The following SARS2 variants were observed in gnomAD, a reference collection of about 807,000 sequenced individuals.
SARS2 encodes the protein seryl-tRNA synthetase 2, mitochondrial, also known as serine--tRNA ligase, mitochondrial.
SARS2 carries 52 observed loss-of-function variants against 66.8 expected under a neutral mutation model. That is an observed-to-expected ratio of 0.78 (90% CI 0.62 to 0.98). SARS2 has a LOEUF of 0.98. Among genes scored for constraint, SARS2 ranks in the 50% least tolerant of loss-of-function variants. The pLI is 0.00. For synonymous variants in SARS2, 306 were observed against 281.4 expected (o/e 1.09, Z -0.87); for missense variants, 673 against 706.3 (o/e 0.95, Z 0.53).
chr19:38,916,018 G>T lies in SARS2; in HGVS notation c.1347+19C>A, dbSNP rs755098466. 1 of 1,613,088 alleles carries T rather than the reference G, an allele frequency of 6.2e-7. No individual in the cohort carries two copies. ...GCTGCGGGCGAGGGCACGCGGGCAG[G>T]AGGCTGTGCGGGCCTCACCGTGTGG... On this transcript the variant is annotated intron_variant, in intron 14 of 15. Coordinates refer to ENST00000221431, the MANE Select transcript of SARS2 (RefSeq NM_017827.4).
Position 38,922,264 on chromosome 19 carries a change from T to C in SARS2, c.367A>G (p.Asn123Asp). ...TGCTGCACTTCACCACTGTCCTGGT[T>C]TGCCTGGTAGAAAAGAGACAGGGTG... ...VTEAVRALLA[N>D]QDSGEVQQDP... Residue 123 changes from asparagine (N) to aspartate (D), a missense_variant, in exon 3 of 16, where the codon AAC becomes GAC. Coordinates refer to ENST00000221431, the MANE Select transcript of SARS2 (RefSeq NM_017827.4). 6.2e-7 allele frequency: 1 copy of C among 1,614,112 alleles called. No homozygotes were observed. The highest frequency in any genetic ancestry group is 1.1e-5 in the South Asian group (1 of 91,076).
intron 3 of SARS2, 87 bp from the exon 4 acceptor site, chr19:38,921,754 T>C (rs942098097): frequency 3.2e-6 from 5 of 1,551,552 alleles, no homozygotes; most frequent in East Asian, 4.6e-5. Context: ...GCAGAGCCCC[T>C]GTGGTGGACA....
In SARS2 at chr19:38,921,600, G is replaced by A; in HGVS notation, c.461C>T (p.Pro154Leu). ...CTGCTCCTCAAGCTGGGCCTCCCTG[G>A]GGTACAGGTGAACAAGCTCCTTCCG... Reference protein sequence around the residue: ...EIRKELVHLYPREAQLEEQFY... With the variant: ...EIRKELVHLYLREAQLEEQFY... Residue 154 changes from proline (P) to leucine (L), a missense_variant, in exon 4 of 16, where the codon CCC (proline) becomes CTC (leucine). By Grantham distance (98) the Pro-to-Leu change is moderately conservative. Transcript: ENST00000221431. 3 of 1,614,210 alleles carry A rather than the reference G, an allele frequency of 1.9e-6. No individual in the cohort carries two copies. Among genetic ancestry groups the A allele is most frequent in the Non-Finnish European group, 2.5e-6 (3 of 1,180,042 alleles).
intron 9 of SARS2, 108 bp from the exon 10 acceptor site, chr19:38,918,247 G>T: frequency 7.9e-7 from 1 of 1,272,632 alleles, no homozygotes; most frequent in South Asian, 1.3e-5. Context: ...GTCAAGGCCC[G>T]GGGCTGGATT....
chr19:38,925,922 T>C (rs1974619351), intron 2 of SARS2, among the ~76,000 whole-genome samples: 1 of 152,178 alleles, frequency 6.6e-6, no homozygotes, highest in African/African-American at 2.4e-5. Context: ...GTTCAAGCGA[T>C]TCTCCTGCCT....
Position 38,930,570 on chromosome 19 carries a change from G to A in SARS2, c.167C>T (p.Pro56Leu), listed in dbSNP as rs1974721950. 1.2e-6 allele frequency: 2 copies of A among 1,613,998 alleles called. No individual in the cohort carries two copies. The highest frequency in any genetic ancestry group is 1.7e-6 in the Non-Finnish European group (2 of 1,180,016). Residue 56 changes from proline (P) to leucine (L), a missense_variant, in exon 1 of 16, where the codon CCT becomes CTT. Coordinates refer to ENST00000221431, the MANE Select transcript of SARS2 (RefSeq NM_017827.4). The part of the protein sequence containing the change: ...EYAREGYSAL[P>L]QLDIERFCAC... ...GCAGAACCGCTCTATGTCCAGCTGA[G>A]GGAGTGCGCTGTAGCCCTCGCGCGC...
chr19:38,915,697 C>G lies in SARS2; in HGVS notation c.1466G>C (p.Arg489Pro). The change falls in exon 16 of 16, where the codon CGG becomes CCG. Residue 489 changes from arginine (R) to proline (P), a missense_variant. Coordinates refer to ENST00000221431, the MANE Select transcript of SARS2 (RefSeq NM_017827.4). ...AGGCACGTGGGTAGGGGCTGTGATCCGATCAGTGCCGAGGTAGGACTGGAG... is the reference window on the plus strand; with the variant it reads ...AGGCACGTGGGTAGGGGCTGTGATCGGATCAGTGCCGAGGTAGGACTGGAG... ...PALQSYLGTD[R>P]ITAPTHVPLQ... 1.2e-6 allele frequency: 2 copies of G among 1,613,066 alleles called. No individual in the cohort carries two copies. The highest frequency in any genetic ancestry group is 1.7e-6 in the Non-Finnish European group (2 of 1,179,460).
chr19:38,917,263 G>C (rs760042261), intron 12 of SARS2, among the ~76,000 whole-genome samples: 6 of 152,202 alleles, frequency 3.9e-5, no homozygotes, highest in Non-Finnish European at 5.9e-5. Context: ...CCCGGCTTAC[G>C]CTCCCAGTTT....
At position 38,926,189 on chromosome 19, in the gene SARS2, A is replaced by G; in HGVS notation, c.363+16T>C. 1 of 1,600,708 alleles carries G rather than the reference A, an allele frequency of 6.2e-7. No individual in the cohort carries two copies. The highest frequency in any genetic ancestry group is 1.7e-5 in the Admixed American group (1 of 60,004). ...CCTCGTGGCCACTCCCCACCTACTCAGGGCACCATGCTCACCAGCAGGGCC... is the reference window on the plus strand; with the variant it reads ...CCTCGTGGCCACTCCCCACCTACTCGGGGCACCATGCTCACCAGCAGGGCC... On this transcript the variant is annotated intron_variant, in intron 2 of 15. Transcript: ENST00000221431.
At chr19:38,918,358 G>A (rs1009673826) in intron 9 of SARS2, 64 bp downstream of exon 9, 1 of 1,464,060 alleles carries the variant, frequency 6.8e-7, no homozygotes, top group Non-Finnish European at 9.6e-7. Flanking sequence ...AGTGCTCCCT[G>A]GACGCTCCCA....
chr19:38,921,783 G>T, intron 3 of SARS2, 116 bp from the exon 4 acceptor site: 1 of 1,462,086 alleles, frequency 6.8e-7, no homozygotes, highest in Non-Finnish European at 9.3e-7. Flanking sequence ...TCTTCTCCAG[G>T]CCCAGGATCC....
chr19:38,922,139 G>T, intron 3 of SARS2, 99 bp downstream of exon 3: 1 of 1,598,582 alleles, frequency 6.3e-7, no homozygotes, highest in South Asian at 1.1e-5. Flanking sequence ...CCTTAAACCT[G>T]TTTGAGTTGT....
chr19:38,917,769 A>G lies in SARS2; in HGVS notation c.1115T>C (p.Leu372Pro), dbSNP rs1007300831. ...TGTCAAGATCTCCATCTGAAGGGACAGGAACTCCTCCAGCAGCTGTGAGCT... is the reference window on the plus strand; with the variant it reads ...TGTCAAGATCTCCATCTGAAGGGACGGGAACTCCTCCAGCAGCTGTGAGCT... ...EQSSQLLEEF[L>P]SLQMEILTEL... is the part of the protein sequence containing the mutation. Residue 372 changes from leucine to proline, a missense_variant, in exon 12 of 16, where the codon CTG (leucine) becomes CCG (proline). By Grantham distance (98) the Leu-to-Pro change is moderately conservative (BLOSUM62 -3). Coordinates refer to ENST00000221431, the MANE Select transcript of SARS2 (RefSeq NM_017827.4). The G allele has an allele frequency of 6.2e-7, 1 of 1,611,046 alleles. No homozygotes were observed. Among genetic ancestry groups the G allele is most frequent in the Non-Finnish European group, 8.5e-7 (1 of 1,178,234 alleles).
intron 2 of SARS2, among the ~76,000 whole-genome samples, chr19:38,922,813 G>C (rs918168274): frequency 2.0e-5 from 3 of 152,036 alleles, no homozygotes; most frequent in African/African-American, 7.3e-5. Flanking sequence ...TTCCCCTTCC[G>C]CCATGATTTT....
intron 1 of SARS2, among the ~76,000 whole-genome samples, chr19:38,929,709 G>A (rs1358478010): frequency 1.3e-5 from 2 of 152,094 alleles, no homozygotes; most frequent in Non-Finnish European, 2.9e-5. Flanking sequence ...GAGAAATAAT[G>A]GCACCTACTT....
Position 38,916,301 on chromosome 19 carries a change from G to T in SARS2, c.1174C>A (p.Pro392Thr). The T allele has an allele frequency of 1.2e-6, 2 of 1,614,054 alleles. No homozygotes were observed. Among genetic ancestry groups the T allele is most frequent in the South Asian group, 1.1e-5 (1 of 91,088 alleles). Residue 392 changes from proline (P) to threonine (T), a missense_variant, in exon 13 of 16, where the codon CCC (proline) becomes ACC (threonine). Physicochemically the swap from Pro to Thr is conservative, Grantham distance 38. Transcript: ENST00000221431. ...GCGGGGAGGCCCAGTTCTTGGGTGG[G>T]CATATCCAGGACCCTGCGGTCAAGG... ...LGLHFRVLDMPTQELGLPAYR... is the reference protein window; with the variant it reads ...LGLHFRVLDMTTQELGLPAYR...
intron 8 of SARS2, 32 bp downstream of exon 8, chr19:38,918,734 G>A (rs1175006050): frequency 5.8e-6 from 9 of 1,554,262 alleles, no homozygotes; most frequent in Non-Finnish European, 7.8e-6. Context: ...TGACACCCAG[G>A]TGGGCGAGGG....
At chr19:38,922,207 C>T in intron 3 of SARS2, 31 bp downstream of exon 3, 1 of 1,612,936 alleles carries the variant, frequency 6.2e-7, no homozygotes, top group African/African-American at 1.3e-5. Context: ...CCACCCCCAA[C>T]CCTGGATAGG....
chr19:38,930,382 G>T, intron 1 of SARS2, 88 bp downstream of exon 1: 1 of 1,473,504 alleles, frequency 6.8e-7, no homozygotes, highest in Non-Finnish European at 9.1e-7. Flanking sequence ...CCTACTACAG[G>T]TTCGCCCCCT....
Sources: gnomAD v4.1 joint callset for allele counts (sites outside exome capture counted in the v4.1 genomes callset) on GRCh38, gnomAD v4.1.1 for gene constraint, MANE v1.5 for transcripts, NCBI Gene and HGNC (gene_info 2026-07-23, HGNC 2026-07-21) for gene names.